SIK2: variants seen among roughly 807,000 people sequenced by gnomAD.
SIK2 encodes serine/threonine-protein kinase SIK2.
In SIK2, 29 loss-of-function variants were observed where a neutral mutation model predicts 103.2. The ratio of observed to expected loss-of-function variants is 0.28; its 90% CI spans 0.21 to 0.38. The LOEUF (loss-of-function observed/expected upper bound fraction) is 0.38, where lower values mean the gene tolerates loss of function less well. Among genes scored for constraint, SIK2 ranks in the 10% least tolerant of loss-of-function variants. SIK2 has a pLI of 1.00. For missense variants in SIK2, 879 were observed against 1,171.0 expected, an observed-to-expected ratio of 0.75 and a Z score of 3.64; for synonymous variants, 412 against 446.1, an observed-to-expected ratio of 0.92 and a Z score of 0.96.
Position 111,727,538 on chromosome 11 carries a change from T to C in SIK2, c.*3409T>C, listed in dbSNP as rs2135991529. 1 of 167,042 alleles carries C rather than the reference T, an allele frequency of 6.0e-6. No homozygotes were observed. 10.3% of individuals were successfully genotyped at this position (167,042 alleles called of 1,614,324 possible). On this transcript the variant is annotated 3_prime_UTR_variant, in exon 15 of 15. Transcript: ENST00000304987. Reference sequence around the variant, plus strand: ...GGGGAGCAAGGGGGGACCCCCCCTGTAGGAGTATCGGCCTCTCCCCTGCCC... The same window carrying C: ...GGGGAGCAAGGGGGGACCCCCCCTGCAGGAGTATCGGCCTCTCCCCTGCCC...
In SIK2 at chr11:111,602,450, A is replaced by G. The variant is rs1941594693; in HGVS notation, c.-114A>G. On this transcript the variant is annotated 5_prime_UTR_variant, in exon 1 of 15. Coordinates refer to ENST00000304987, the MANE Select transcript of SIK2 (RefSeq NM_015191.3). This position sits in a 1 kb window ranked among gnomAD's most constrained non-coding sequence, Gnocchi z 4.5. The stretch of plus-strand genomic sequence containing the variant: ...GCTGGGCCCTGGGGAGCGGGAGGGA[A>G]GGAGCGAAGGAGCGAAGGAGCAAGC... The G allele has an allele frequency of 1.7e-6, 2 of 1,153,914 alleles. No individual in the cohort carries two copies. The highest frequency in any genetic ancestry group is 3.3e-5 in the East Asian group (1 of 30,234). The allele number at this position is 1,153,914 out of a possible 1,614,324, so 71.5% of individuals were successfully genotyped here.
chr11:111,628,367 C>T (rs1941988391), intron 3 of SIK2, among the ~76,000 whole-genome samples: 1 of 148,892 alleles, frequency 6.7e-6, no homozygotes, highest in Non-Finnish European at 1.5e-5. Context: ...TCCCCATGCT[C>T]CTGCCACTCC....
At chr11:111,721,503 T>C (rs1303004952) in intron 12 of SIK2, among the ~76,000 whole-genome samples, 1 of 152,254 alleles carries the variant, frequency 6.6e-6, no homozygotes, top group East Asian at 1.9e-4. Flanking sequence ...TAAATACTGC[T>C]ACTTACCTGA....
intron 3 of SIK2, chr11:111,671,835 TG>T: frequency 2.4e-6 from 1 of 411,802 alleles, no homozygotes; most frequent in South Asian, 1.9e-5. Flanking sequence ...GTATGCTTGT[TG>T]ATCTCATCCT....
At position 111,690,723 on chromosome 11, in the gene SIK2, A is replaced by G. The variant is rs371575060; in HGVS notation, c.478+2561A>G. 5.8e-4 allele frequency among the ~76,000 whole-genome samples: 87 copies of G among 149,246 alleles called. 1 individual carries two copies. The highest frequency in any genetic ancestry group is 1.9e-3 in the African/African-American group (78 of 40,378). On this transcript the variant is annotated intron_variant, in intron 4 of 14. Transcript: ENST00000304987. Reference sequence around the variant, plus strand: ...GAGAACATGTGGTGTTTGGTTTTCTATTCCTTTAGTTTGCTGAGGATGATG... The same window carrying G: ...GAGAACATGTGGTGTTTGGTTTTCTGTTCCTTTAGTTTGCTGAGGATGATG...
At chr11:111,666,948 TTTA>T (rs994928383) in intron 3 of SIK2, among the ~76,000 whole-genome samples, 3 of 9,222 alleles carry the variant, frequency 3.3e-4, no homozygotes, top group African/African-American at 3.4e-4. Flanking sequence ...TTTTATTTTA[TTTA>T]TTTATTTATT....
intron 3 of SIK2, among the ~76,000 whole-genome samples, chr11:111,679,388 A>G (rs1942748364): frequency 6.6e-6 from 1 of 152,258 alleles, no homozygotes; most frequent in African/African-American, 2.4e-5. Flanking sequence ...AGATGCGAAC[A>G]GCCTAATGTA....
intron 3 of SIK2, among the ~76,000 whole-genome samples, chr11:111,648,938 CA>C (rs1942293120): frequency 1.3e-5 from 2 of 152,078 alleles, no homozygotes; most frequent in Non-Finnish European, 2.9e-5. Flanking sequence ...GAAGCTAAGG[CA>C]AGTGTGTCTT....
rs1197094238 is a variant in SIK2 at position 111,705,831 on chromosome 11, GT to G, written c.1101+693del. ...AATCTGGTAGCATTATGAAGGATGG[GT>G]CAGATAGAGAAAAGAAGAAATTTGG... On this transcript the variant is annotated intron_variant, in intron 8 of 14. Transcript: ENST00000304987. This position sits in a 1 kb window ranked among gnomAD's most constrained non-coding sequence, Gnocchi z 4.3. Among the ~76,000 whole-genome samples, 2 of 152,190 alleles carry G rather than the reference GT, an allele frequency of 1.3e-5. No individual in the cohort carries two copies. Among genetic ancestry groups the G allele is most frequent in the Non-Finnish European group, 2.9e-5 (2 of 68,038 alleles).
chr11:111,646,411 TG>T (rs1427239350), intron 3 of SIK2, among the ~76,000 whole-genome samples: 1 of 152,222 alleles, frequency 6.6e-6, no homozygotes, highest in Admixed American at 6.5e-5. Context: ...ATTGCACCAT[TG>T]CACTCCAGCC....
chr11:111,704,306 G>T (rs138667800), intron 7 of SIK2, among the ~76,000 whole-genome samples: 3 of 152,320 alleles, frequency 2.0e-5, no homozygotes, highest in Non-Finnish European at 4.4e-5. Context: ...CACCCATGCC[G>T]ACTGTCAGGT....
At chr11:111,651,705 G>T (rs1192058080) in intron 3 of SIK2, among the ~76,000 whole-genome samples, 1 of 150,208 alleles carries the variant, frequency 6.7e-6, no homozygotes, top group Non-Finnish European at 1.5e-5. Context: ...TACACTTGAT[G>T]TGTATATAGG....
intron 1 of SIK2, among the ~76,000 whole-genome samples, chr11:111,612,257 CT>C (rs1376429855): frequency 3.3e-5 from 5 of 152,138 alleles, no homozygotes; most frequent in Non-Finnish European, 7.4e-5. Flanking sequence ...CATGAGTGTA[CT>C]GCTTGTTTCA....
At chr11:111,666,509 C>T (rs1034660677) in intron 3 of SIK2, among the ~76,000 whole-genome samples, 4 of 152,192 alleles carry the variant, frequency 2.6e-5, no homozygotes, top group African/African-American at 9.7e-5. Context: ...CTAGCCATAA[C>T]AGACTTTTGC....
intron 3 of SIK2, among the ~76,000 whole-genome samples, chr11:111,648,761 ATGTT>A (rs1376540151): frequency 1.3e-5 from 2 of 152,186 alleles, no homozygotes; most frequent in East Asian, 3.9e-4. Flanking sequence ...TGTACATTGT[ATGTT>A]TGTTCTTGTG....
intron 3 of SIK2, among the ~76,000 whole-genome samples, chr11:111,644,192 G>A (rs1942221750): frequency 6.6e-6 from 1 of 151,266 alleles, no homozygotes; most frequent in South Asian, 2.1e-4. Context: ...GGGAGGCTGA[G>A]GCAGGAGAAT....
chr11:111,664,533 T>C (rs566003380), intron 3 of SIK2, among the ~76,000 whole-genome samples: 1 of 152,268 alleles, frequency 6.6e-6, no homozygotes, highest in South Asian at 2.1e-4. Flanking sequence ...AGAGAATAGC[T>C]TGAACCTGGG....
intron 1 of SIK2, among the ~76,000 whole-genome samples, chr11:111,609,144 A>C (rs558527702): frequency 6.6e-6 from 1 of 150,866 alleles, no homozygotes; most frequent in East Asian, 1.9e-4. Flanking sequence ...GACCCATTTA[A>C]TTGCATTGTC....
chr11:111,680,931 C>CAGA (rs1942768931), intron 3 of SIK2, among the ~76,000 whole-genome samples: 1 of 152,098 alleles, frequency 6.6e-6, no homozygotes. Flanking sequence ...CATCAGCCTT[C>CAGA]AGGGTTGATA....
Sources: gnomAD v4.1 joint callset for allele counts (sites outside exome capture counted in the v4.1 genomes callset) on GRCh38, gnomAD v4.1.1 for gene constraint, Gnocchi (gnomAD v3.1) non-coding constraint, MANE v1.5 for transcripts, NCBI Gene and HGNC (gene_info 2026-07-23, HGNC 2026-07-21) for gene names.